PIK3C2G: variants seen among roughly 807,000 people sequenced by gnomAD.
The protein encoded by PIK3C2G is phosphatidylinositol-4-phosphate 3-kinase catalytic subunit type 2 gamma, also known as phosphatidylinositol 3-kinase C2 domain-containing subunit gamma.
PIK3C2G carries 168 observed loss-of-function variants against 181.1 expected under a neutral mutation model. The ratio of observed to expected loss-of-function variants is 0.93; its 90% CI spans 0.82 to 1.05. PIK3C2G has a LOEUF of 1.05. Among genes scored for constraint, PIK3C2G ranks in the 50% least tolerant of loss-of-function variants. The probability of loss-of-function intolerance (pLI) is 0.00; values close to 1 mark genes in which losing one functional copy is unlikely to be tolerated. For synonymous variants in PIK3C2G, 573 were observed against 592.2 expected (o/e 0.97, Z 0.47); for missense variants, 1,869 against 1,732.8 (o/e 1.08, Z -1.40).
At chr12:18,542,475 G>C (rs1308538065) in intron 25 of PIK3C2G, among the ~76,000 whole-genome samples, 1 of 151,820 alleles carries the variant, frequency 6.6e-6, no homozygotes, top group Non-Finnish European at 1.5e-5. Context: ...TTCTGTCACA[G>C]GGATTTGATG....
intron 31 of PIK3C2G, among the ~76,000 whole-genome samples, chr12:18,616,648 T>C (rs1948621119): frequency 6.6e-6 from 1 of 152,106 alleles, no homozygotes; most frequent in African/African-American, 2.4e-5. Flanking sequence ...ATTCTCTCTC[T>C]GTTCTTTTCT....
the PIK3C2G span, among the ~76,000 whole-genome samples, chr12:18,707,748 G>A: frequency 6.6e-6 from 1 of 152,106 alleles, no homozygotes; most frequent in Non-Finnish European, 1.5e-5. Context: ...TGAGTAGGAA[G>A]TCTAAACTTT....
the PIK3C2G span, among the ~76,000 whole-genome samples, chr12:18,681,192 C>T: frequency 6.6e-6 from 1 of 151,798 alleles, no homozygotes; most frequent in South Asian, 2.1e-4. Context: ...ACACTAAAGT[C>T]TGGCTGATAG....
At chr12:18,725,879 C>CT in the PIK3C2G span, among the ~76,000 whole-genome samples, 1 of 152,242 alleles carries the variant, frequency 6.6e-6, no homozygotes, top group Middle Eastern at 3.4e-3. Context: ...AGAAATCTTC[C>CT]TCTGTATCTC....
chr12:18,686,464 C>T, the PIK3C2G span, among the ~76,000 whole-genome samples: 1 of 151,968 alleles, frequency 6.6e-6, no homozygotes, highest in Non-Finnish European at 1.5e-5. Flanking sequence ...AGTTTCTTGG[C>T]TTTTCTCTAG....
chr12:18,270,063 C>A lies in PIK3C2G; in HGVS notation c.-79+8486C>A, dbSNP rs183159368. ...TAGCTGGGATTATAGGCGTGAGCCA[C>A]CACGCCCGGCTAATTTTTGTATTTT... On this transcript the variant is annotated intron_variant, in intron 1 of 32. Transcript: ENST00000538779. Among the ~76,000 whole-genome samples, 202 of 152,004 alleles carry A rather than the reference C, an allele frequency of 1.3e-3. 1 individual carries two copies. The highest frequency in any genetic ancestry group is 3.4e-3 in the Middle Eastern group (1 of 294).
the PIK3C2G span, among the ~76,000 whole-genome samples, chr12:18,684,764 C>A: frequency 3.3e-5 from 5 of 151,946 alleles, no homozygotes; most frequent in African/African-American, 1.2e-4. Context: ...TATGGTTAAG[C>A]TTTGTGCCCC....
At chr12:18,392,694 C>T (rs953331252) in intron 15 of PIK3C2G, among the ~76,000 whole-genome samples, 1 of 152,028 alleles carries the variant, frequency 6.6e-6, no homozygotes, top group Non-Finnish European at 1.5e-5. Context: ...TATTATCCTG[C>T]CCACTCATGT....
At chr12:18,724,860 T>G in the PIK3C2G span, among the ~76,000 whole-genome samples, 1 of 152,092 alleles carries the variant, frequency 6.6e-6, no homozygotes, top group Non-Finnish European at 1.5e-5. Flanking sequence ...AAATAAAAAA[T>G]TATGGTTCTA....
chr12:18,464,856 A>G (rs1295736630), intron 18 of PIK3C2G, among the ~76,000 whole-genome samples: 2 of 151,938 alleles, frequency 1.3e-5, no homozygotes, highest in African/African-American at 4.8e-5. Flanking sequence ...GGATGCCATG[A>G]ATATTTATTG....
intron 29 of PIK3C2G, among the ~76,000 whole-genome samples, chr12:18,586,079 A>G (rs575254409): frequency 4.6e-5 from 7 of 152,224 alleles, no homozygotes; most frequent in African/African-American, 1.7e-4. Context: ...AGCTCTAAAC[A>G]CCCACATCAA....
chr12:18,324,384 G>GT, intron 7 of PIK3C2G, among the ~76,000 whole-genome samples: 1 of 129,858 alleles, frequency 7.7e-6, no homozygotes, highest in African/African-American at 2.5e-5. Context: ...AAATAATGGT[G>GT]TTTGTTTTAA....
the PIK3C2G span, among the ~76,000 whole-genome samples, chr12:18,687,426 T>C: frequency 6.6e-6 from 1 of 152,266 alleles, no homozygotes; most frequent in African/African-American, 2.4e-5. Flanking sequence ...TTCAAGGTGA[T>C]CCTGACCAGG....
At chr12:18,387,086 C>G (rs998964728) in intron 14 of PIK3C2G, among the ~76,000 whole-genome samples, 2 of 152,192 alleles carry the variant, frequency 1.3e-5, no homozygotes, top group Non-Finnish European at 2.9e-5. Context: ...TCTGTTCATG[C>G]CCCACATACA....
chr12:18,422,814 C>T (rs1345026103), intron 17 of PIK3C2G, among the ~76,000 whole-genome samples: 3 of 152,032 alleles, frequency 2.0e-5, no homozygotes, highest in Admixed American at 6.6e-5. Flanking sequence ...ATATAATATG[C>T]TCACTATTAG....
chr12:18,294,612 A>T (rs1030508587), intron 5 of PIK3C2G, among the ~76,000 whole-genome samples: 7 of 151,378 alleles, frequency 4.6e-5, no homozygotes, highest in Non-Finnish European at 8.9e-5. Flanking sequence ...CTTATTTGAT[A>T]AAAAAAAATC....
At chr12:18,496,885 T>C (rs1305504219) in intron 21 of PIK3C2G, among the ~76,000 whole-genome samples, 2 of 152,180 alleles carry the variant, frequency 1.3e-5, no homozygotes, top group African/African-American at 4.8e-5. Flanking sequence ...CACAATGCTG[T>C]ACTTTTCATG....
intron 18 of PIK3C2G, among the ~76,000 whole-genome samples, chr12:18,444,004 G>A (rs1946884063): frequency 6.6e-6 from 1 of 152,186 alleles, no homozygotes; most frequent in Non-Finnish European, 1.5e-5. Flanking sequence ...TGTATTGAGT[G>A]TATTTTATCT....
chr12:18,383,337 C>T (rs1274548827), intron 14 of PIK3C2G, among the ~76,000 whole-genome samples: 1 of 152,114 alleles, frequency 6.6e-6, no homozygotes, highest in Non-Finnish European at 1.5e-5. Context: ...GACAGACTTT[C>T]GCAACTCACT....
Sources: gnomAD v4.1 joint callset for allele counts (sites outside exome capture counted in the v4.1 genomes callset) on GRCh38, gnomAD v4.1.1 for gene constraint, MANE v1.5 for transcripts, NCBI Gene and HGNC (gene_info 2026-07-23, HGNC 2026-07-21) for gene names.